Variants in CCDC33 observed in about 807,000 individuals in gnomAD.
CCDC33 encodes the protein coiled-coil domain-containing protein 33.
CCDC33 carries 94 observed loss-of-function variants against 91.9 expected under a neutral mutation model. That is an observed-to-expected ratio of 1.02 (90% CI 0.87 to 1.21). The LOEUF is 1.21. Ranked by LOEUF, CCDC33 falls within the 50% of genes most tolerant of loss-of-function variation. The pLI is 0.00. For missense variants in CCDC33, 940 were observed against 935.5 expected, an observed-to-expected ratio of 1.00 and a Z score of -0.06; for synonymous variants, 396 against 374.5, an observed-to-expected ratio of 1.06 and a Z score of -0.66.
At chr15:74,315,888 C>G (rs895368014) in intron 11 of CCDC33, among the ~76,000 whole-genome samples, 1 of 152,074 alleles carries the variant, frequency 6.6e-6, no homozygotes, top group Non-Finnish European at 1.5e-5. Flanking sequence ...GGACCTTGAC[C>G]GCCAAGCTGG....
intron 2 of CCDC33, among the ~76,000 whole-genome samples, chr15:74,245,173 C>T (rs577358825): frequency 2.1e-4 from 32 of 152,286 alleles, no homozygotes; most frequent in African/African-American, 7.2e-4. Flanking sequence ...TCCCTGAGGA[C>T]GGATCTCCTC....
intron 17 of CCDC33, among the ~76,000 whole-genome samples, chr15:74,334,527 G>T (rs751368291): frequency 3.3e-5 from 5 of 149,826 alleles, no homozygotes; most frequent in Admixed American, 6.6e-5. Flanking sequence ...TGCAGCCAGG[G>T]TTAGGATTCA....
At chr15:74,248,200 T>C (rs2075596584) in intron 2 of CCDC33, among the ~76,000 whole-genome samples, 1 of 152,126 alleles carries the variant, frequency 6.6e-6, no homozygotes, top group South Asian at 2.1e-4. Context: ...ATCATGATGA[T>C]CACTGCGGAA....
chr15:74,214,596 C>T (rs953702908), upstream of CCDC33, among the ~76,000 whole-genome samples: 2 of 152,204 alleles, frequency 1.3e-5, no homozygotes, highest in Non-Finnish European at 2.9e-5. Flanking sequence ...CTAGCCCTGA[C>T]TTGCTGAAAT....
intron 2 of CCDC33, among the ~76,000 whole-genome samples, chr15:74,222,572 T>C (rs1232739981): frequency 6.6e-6 from 1 of 151,904 alleles, no homozygotes; most frequent in Non-Finnish European, 1.5e-5. Flanking sequence ...AACACCTTTT[T>C]TTCCCCCAAG....
chr15:74,224,611 C>T (rs1002399178), intron 2 of CCDC33, among the ~76,000 whole-genome samples: 2 of 152,174 alleles, frequency 1.3e-5, no homozygotes, highest in African/African-American at 4.8e-5. Flanking sequence ...GCTGATTGGG[C>T]TCTGGCATTG....
chr15:74,229,410 T>C (rs749838982), intron 2 of CCDC33, among the ~76,000 whole-genome samples: 5 of 152,068 alleles, frequency 3.3e-5, no homozygotes, highest in Non-Finnish European at 5.9e-5. Context: ...GGGGAATCGC[T>C]TGAACTTGGG....
At chr15:74,219,161 C>G (rs1231330658) in intron 2 of CCDC33, among the ~76,000 whole-genome samples, 1 of 152,170 alleles carries the variant, frequency 6.6e-6, no homozygotes, top group Non-Finnish European at 1.5e-5. Flanking sequence ...ACCTCGTTCT[C>G]ACCAGTTTTT....
intron 1 of CCDC33, among the ~76,000 whole-genome samples, chr15:74,238,144 T>G (rs1317530547): frequency 3.3e-5 from 5 of 149,634 alleles, no homozygotes; most frequent in Non-Finnish European, 5.9e-5. Flanking sequence ...AAAAGGACGT[T>G]GGCCAGGCCT....
chr15:74,209,847 C>T (rs904854894), intron 2 of CCDC33: 13 of 169,706 alleles, frequency 7.7e-5, no homozygotes, highest in African/African-American at 1.9e-4. Flanking sequence ...AGATAAAGGC[C>T]GGGCCAAGAA....
chr15:74,295,723 C>T (rs775395673), intron 10 of CCDC33, 31 bp from the exon 11 acceptor site: 1 of 1,581,308 alleles, frequency 6.3e-7, no homozygotes, highest in Non-Finnish European at 8.6e-7. Flanking sequence ...AGGGGCCTGT[C>T]CTGAAGTTTC....
At chr15:74,258,075 T>C (rs1380004471) in intron 2 of CCDC33, among the ~76,000 whole-genome samples, 1 of 152,224 alleles carries the variant, frequency 6.6e-6, no homozygotes, top group Admixed American at 6.5e-5. Flanking sequence ...GGACTGCCAG[T>C]TCCCTCACCT....
upstream of CCDC33, among the ~76,000 whole-genome samples, chr15:74,232,019 GAA>G (rs1434034321): frequency 6.6e-6 from 1 of 151,958 alleles, no homozygotes; most frequent in Non-Finnish European, 1.5e-5. Flanking sequence ...GTCTCAAAAA[GAA>G]AAAAGAAAAG....
At chr15:74,208,202 T>A in intron 1 of CCDC33, 1 of 340,254 alleles carries the variant, frequency 2.9e-6, no homozygotes, top group Non-Finnish European at 4.4e-6. Context: ...AGATTTCAGC[T>A]CAGAACAAAG....
At chr15:74,223,067 A>G (rs113052385) in intron 2 of CCDC33, among the ~76,000 whole-genome samples, 256 of 152,094 alleles carry the variant, frequency 1.7e-3, no homozygotes, top group African/African-American at 6.0e-3. Context: ...TGCCCGTTTA[A>G]TCTCAGGGGT....
intron 11 of CCDC33, among the ~76,000 whole-genome samples, chr15:74,309,595 T>C (rs2059954066): frequency 6.6e-6 from 1 of 152,116 alleles, no homozygotes; most frequent in Admixed American, 6.5e-5. Flanking sequence ...CTGTGAGCCA[T>C]GAAGAGCTTC....
chr15:74,244,353 C>A lies in CCDC33; in HGVS notation c.185+205C>A, dbSNP rs115324314. 9.2e-5 allele frequency among the ~76,000 whole-genome samples: 14 copies of A among 152,148 alleles called. No individual in the cohort carries two copies. The highest frequency in any genetic ancestry group is 2.1e-4 in the Non-Finnish European group (14 of 68,028). ...AGGGCTGGGGAAGACAGGGTGCCAA[C>A]GGATCCAGAGAGTCACCCCTCCCCA... is the stretch of plus-strand genomic sequence containing the variant. On this transcript the variant is annotated intron_variant, in intron 2 of 18. Coordinates refer to ENST00000398814, the MANE Select transcript of CCDC33 (RefSeq NM_025055.5). The surrounding 1 kb of genome is among the most constrained non-coding windows in gnomAD (Gnocchi z 4.2).
At chr15:74,313,840 C>A (rs532211022) in intron 11 of CCDC33, among the ~76,000 whole-genome samples, 2 of 152,258 alleles carry the variant, frequency 1.3e-5, no homozygotes, top group South Asian at 4.2e-4. Context: ...GTGCCAGCAT[C>A]CAGGCCCAGC....
At chr15:74,266,852 A>G in intron 4 of CCDC33, 65 bp downstream of exon 4, 1 of 1,228,638 alleles carries the variant, frequency 8.1e-7, no homozygotes, top group Non-Finnish European at 1.2e-6. Flanking sequence ...GTCCCCAGCT[A>G]TTCCCTCGGA....
Sources: allele counts gnomAD v4.1 joint callset (sites outside exome capture counted in the v4.1 genomes callset), GRCh38; gene constraint gnomAD v4.1.1; non-coding constraint Gnocchi (gnomAD v3.1); transcripts MANE v1.5; gene names NCBI Gene and HGNC (gene_info 2026-07-23, HGNC 2026-07-21).